The following ZFP30 variants were observed in gnomAD, a reference collection of about 807,000 sequenced individuals.
ZFP30 encodes the protein ZFP30 zinc finger protein, also known as zinc finger protein 30 homolog.
ZFP30 carries 16 observed loss-of-function variants against 12.3 expected under a neutral mutation model. That is an observed-to-expected ratio of 1.30 (90% confidence interval 0.88 to 1.98). ZFP30 has a LOEUF of 1.98. Ranked by LOEUF, ZFP30 falls within the 30% of genes most tolerant of loss-of-function variation. The pLI, the probability that ZFP30 is intolerant of heterozygous loss-of-function variation, is 0.00. For synonymous variants in ZFP30, 172 were observed against 201.0 expected, an observed-to-expected ratio of 0.86 and a Z score of 1.22; for missense variants, 560 against 611.2, an observed-to-expected ratio of 0.92 and a Z score of 0.88.
At position 37,633,990 on chromosome 19, in the gene ZFP30, A is replaced by G. The variant is rs2044275737; in HGVS notation, c.*991T>C. On this transcript the variant is annotated 3_prime_UTR_variant, in exon 6 of 6. Coordinates refer to ENST00000684514, the MANE Select transcript of ZFP30 (RefSeq NM_001320669.3). ...TATTATCTAATATTGTCAATATTCC[A>G]TTCTCCCAATTATTGTTAAGTATCT... 6.6e-6 allele frequency: 1 copy of G among 152,162 alleles called. No individual in the cohort carries two copies. The highest frequency in any genetic ancestry group is 2.1e-4 in the South Asian group (1 of 4,832). The allele number at this position is 152,162 out of a possible 1,614,324, so 9.4% of individuals were successfully genotyped here. A position where few individuals can be genotyped will look rare whatever the true frequency, so the allele number is the denominator to read the frequency against.
In ZFP30 at chr19:37,635,653, C is replaced by G; in HGVS notation, c.888G>C (p.Lys296Asn). The G allele has an allele frequency of 6.2e-7, 1 of 1,614,016 alleles. No homozygotes were observed. Among genetic ancestry groups the G allele is most frequent in the Non-Finnish European group, 8.5e-7 (1 of 1,179,994 alleles). ...TRHQRLNIAE[K>N]CYECKECGQA... The stretch of plus-strand genomic sequence containing the variant: ...GACCACATTCCTTACACTCATAGCA[C>G]TTCTCAGCAATGTTCAGTCTCTGAT... The change falls in exon 6 of 6, where the codon AAG becomes AAC. Residue 296 changes from lysine to asparagine, a missense_variant. Coordinates refer to ENST00000684514, the MANE Select transcript of ZFP30 (RefSeq NM_001320669.3).
Position 37,633,183 on chromosome 19 carries a change from A to T in ZFP30, c.*1798T>A, listed in dbSNP as rs2044261902. The T allele has an allele frequency of 6.6e-6, 1 of 152,096 alleles. No homozygotes were observed. Among genetic ancestry groups the T allele is most frequent in the Non-Finnish European group, 1.5e-5 (1 of 68,040 alleles). 9.4% of individuals were successfully genotyped at this position (152,096 alleles called of 1,614,324 possible). On this transcript the variant is annotated 3_prime_UTR_variant, in exon 6 of 6. Coordinates refer to ENST00000684514, the MANE Select transcript of ZFP30 (RefSeq NM_001320669.3). ...GAGACTCCGTCTCAAAAAAAAAAAA[A>T]AAAAAGGTGCATACCATGGGTACTA... is the stretch of plus-strand genomic sequence containing the variant.
chr19:37,644,490 C>T lies in ZFP30; in HGVS notation c.136+120G>A, dbSNP rs368562095. 4.6e-5 allele frequency: 51 copies of T among 1,097,926 alleles called. No individual in the cohort carries two copies. The East Asian group carries it at 1.2e-3, about 26-fold the overall frequency. The allele number at this position is 1,097,926 out of a possible 1,614,324, so 68.0% of individuals were successfully genotyped here. ...TAGAGGTTGCAGTAAGCCAAGATTG[C>T]GCCACTGCACTTCAGCCTGGTGACT... On this transcript the variant is annotated intron_variant, in intron 4 of 5. Coordinates refer to ENST00000684514, the MANE Select transcript of ZFP30 (RefSeq NM_001320669.3).
chr19:37,636,432 G>A (rs2044329308), intron 5 of ZFP30, 127 bp from the exon 6 acceptor site: 3 of 1,008,214 alleles, frequency 3.0e-6, no homozygotes, highest in South Asian at 2.2e-5. Context: ...GAAGTAAATG[G>A]GCTCAAAATC....
chr19:37,655,218 C>A (rs1269371821), intron 1 of ZFP30: 1 of 152,308 alleles, frequency 6.6e-6, no homozygotes, highest in East Asian at 1.9e-4. Context: ...CGAACCTGGT[C>A]CGGCACAGTT....
intron 3 of ZFP30, among the ~76,000 whole-genome samples, chr19:37,645,801 C>G (rs1411045087): frequency 2.0e-5 from 3 of 151,904 alleles, no homozygotes; most frequent in Non-Finnish European, 4.4e-5. Context: ...AAAAAATGAA[C>G]TGTAAAATGC....
In ZFP30 at chr19:37,633,965, T is replaced by C. The variant is rs1332758096; in HGVS notation, c.*1016A>G. On this transcript the variant is annotated 3_prime_UTR_variant, in exon 6 of 6. Transcript: ENST00000684514. ...TATCACACATAACAAAGTTTCTTAA[T>C]ATTATCTAATATTGTCAATATTCCA... 2 of 152,218 alleles carry C rather than the reference T, an allele frequency of 1.3e-5. No individual in the cohort carries two copies. The highest frequency in any genetic ancestry group is 1.9e-4 in the East Asian group (1 of 5,200). 9.4% of individuals were successfully genotyped at this position (152,218 alleles called of 1,614,324 possible).
At chr19:37,642,585 C>G (rs1335768114) in intron 5 of ZFP30, among the ~76,000 whole-genome samples, 1 of 152,030 alleles carries the variant, frequency 6.6e-6, no homozygotes, top group African/African-American at 2.4e-5. Context: ...TGACTCCCCA[C>G]TACAATTTAA....
In ZFP30 at chr19:37,631,449, A is replaced by C. The variant is rs2044230941; in HGVS notation, c.*3532T>G. 1 of 152,228 alleles carries C rather than the reference A, an allele frequency of 6.6e-6. No homozygotes were observed. Among genetic ancestry groups the C allele is most frequent in the Non-Finnish European group, 1.5e-5 (1 of 68,038 alleles). 9.4% of individuals were successfully genotyped at this position (152,228 alleles called of 1,614,324 possible). ...GGTTTCAAATGCTATCAAGTTTCAT[A>C]TTCCATTTGAGAAATGGAATATAAT... On this transcript the variant is annotated 3_prime_UTR_variant, in exon 6 of 6. Transcript: ENST00000684514.
intron 5 of ZFP30, among the ~76,000 whole-genome samples, chr19:37,641,372 T>G (rs1456593102): frequency 6.6e-6 from 1 of 152,230 alleles, no homozygotes; most frequent in Non-Finnish European, 1.5e-5. Context: ...AAAGAATAGT[T>G]TAACCTTATT....
chr19:37,651,485 A>C (rs775444610), intron 2 of ZFP30: 7 of 151,928 alleles, frequency 4.6e-5, no homozygotes, highest in Non-Finnish European at 1.0e-4. Flanking sequence ...CTGAGGCAGG[A>C]GAATTGCTTG....
In ZFP30 at chr19:37,636,029, TGTC is replaced by T. The variant is rs778267241; in HGVS notation, c.509_511del (p.Arg170del). ...AATTCTTTGATGGAAAGTAAGTTGT[TGTC>T]GTACTCTAAAAGCCTTCCCACATTC... is the stretch of plus-strand genomic sequence containing the variant. On this transcript the variant is annotated inframe_deletion, in exon 6 of 6. Transcript: ENST00000684514. 2 of 1,614,040 alleles carry T rather than the reference TGTC, an allele frequency of 1.2e-6. No homozygotes were observed. Among genetic ancestry groups the T allele is most frequent in the African/African-American group, 1.3e-5 (1 of 75,000 alleles).
Position 37,644,697 on chromosome 19 carries a change from G to A in ZFP30, c.49C>T (p.Gln17Ter). 1 of 1,613,512 alleles carries A rather than the reference G, an allele frequency of 6.2e-7. No homozygotes were observed. Among genetic ancestry groups the A allele is most frequent in the Non-Finnish European group, 8.5e-7 (1 of 1,179,750 alleles). ...GAGTTCAGGCATTCCCATTCTTCCTGAGAAAAGTCTACAGCCACATCTCTG... is the reference window on the plus strand; with the variant it reads ...GAGTTCAGGCATTCCCATTCTTCCTAAGAAAAGTCTACAGCCACATCTCTG... Reference protein sequence around the residue: ...MFRDVAVDFSQEEWECLNSYQ... With the variant: ...MFRDVAVDFS Residue 17 changes from glutamine (Q) to a stop codon, truncating the protein, a stop_gained, in exon 4 of 6, where the codon CAG becomes TAG. Coordinates refer to ENST00000684514, the MANE Select transcript of ZFP30 (RefSeq NM_001320669.3). LOFTEE classifies it high-confidence loss of function.
chr19:37,641,476 T>C (rs768082247), intron 5 of ZFP30, among the ~76,000 whole-genome samples: 1 of 152,170 alleles, frequency 6.6e-6, no homozygotes, highest in Non-Finnish European at 1.5e-5. Flanking sequence ...TTCTAACATA[T>C]CAAAAAGTAG....
chr19:37,635,485 C>A lies in ZFP30; in HGVS notation c.1056G>T (p.Lys352Asn), dbSNP rs1294615965. Residue 352 changes from lysine to asparagine, a missense_variant, in exon 6 of 6, where the codon AAG becomes AAT. Physicochemically the swap from Lys to Asn is moderately conservative, Grantham distance 94. Coordinates refer to ENST00000684514, the MANE Select transcript of ZFP30 (RefSeq NM_001320669.3). ...TLHQRIHTGEKPYDCKECGKT... is the reference protein window; with the variant it reads ...TLHQRIHTGENPYDCKECGKT... ...TCCCACATTCCTTACAATCATAAGG[C>A]TTCTCACCAGTGTGAATTCTCTGAT... is the stretch of plus-strand genomic sequence containing the variant. 1 of 1,614,060 alleles carries A rather than the reference C, an allele frequency of 6.2e-7. No homozygotes were observed. Among genetic ancestry groups the A allele is most frequent in the Non-Finnish European group, 8.5e-7 (1 of 1,180,024 alleles).
chr19:37,647,708 C>A, intron 3 of ZFP30, 106 bp downstream of exon 3: 1 of 1,403,794 alleles, frequency 7.1e-7, no homozygotes, highest in East Asian at 2.3e-5. Flanking sequence ...TGGGGAGAAG[C>A]TGTTGAATGG....
Position 37,643,382 on chromosome 19 carries a change from AAT to A in ZFP30, c.137-21_137-20del. 1 of 1,496,196 alleles carries A rather than the reference AAT, an allele frequency of 6.7e-7. No homozygotes were observed. The highest frequency in any genetic ancestry group is 9.0e-7 in the Non-Finnish European group (1 of 1,116,772). 92.7% of individuals were successfully genotyped at this position (1,496,196 alleles called of 1,614,324 possible). ...CATCCTGCTTAAAAATAAATAATAGAATATAATAAAGAATTTATTTAAGGCTT... is the reference window on the plus strand; with the variant it reads ...CATCCTGCTTAAAAATAAATAATAGAATAATAAAGAATTTATTTAAGGCTT... On this transcript the variant is annotated intron_variant, in intron 4 of 5. Coordinates refer to ENST00000684514, the MANE Select transcript of ZFP30 (RefSeq NM_001320669.3).
intron 2 of ZFP30, among the ~76,000 whole-genome samples, chr19:37,650,480 A>C (rs974117621): frequency 1.3e-5 from 2 of 152,182 alleles, no homozygotes; most frequent in African/African-American, 4.8e-5. Flanking sequence ...GAATATCACA[A>C]AAAGCTCCAA....
intron 5 of ZFP30, among the ~76,000 whole-genome samples, chr19:37,640,778 TAGGG>T (rs1382664962): frequency 2.0e-5 from 3 of 151,898 alleles, no homozygotes; most frequent in Admixed American, 2.0e-4. Context: ...TAAAATAAAA[TAGGG>T]AGCAAATTAT....
Sources: gnomAD v4.1 joint callset for allele counts (sites outside exome capture counted in the v4.1 genomes callset) on GRCh38, gnomAD v4.1.1 for gene constraint, MANE v1.5 for transcripts, NCBI Gene and HGNC (gene_info 2026-07-23, HGNC 2026-07-21) for gene names.